ZNF253: variants seen among roughly 807,000 people sequenced by gnomAD.
ZNF253 encodes the protein DNA-binding protein.
A neutral mutation model predicts 11.9 loss-of-function variants in ZNF253; 8 were observed. The observed-to-expected ratio is 0.67, with a 90% CI of 0.40 to 1.22. ZNF253 has a LOEUF of 1.22. ZNF253 is among the 50% of genes most tolerant of loss of function. The probability of loss-of-function intolerance (pLI) is 0.01; values close to 1 mark genes in which losing one functional copy is unlikely to be tolerated. For missense variants in ZNF253, 485 were observed against 586.9 expected (o/e 0.83, Z 1.79); for synonymous variants, 194 against 194.9 (o/e 1.00, Z 0.04).
chr19:19,874,057 C>T (rs1205881702), intron 1 of ZNF253, among the ~76,000 whole-genome samples: 1 of 152,020 alleles, frequency 6.6e-6, no homozygotes, highest in Non-Finnish European at 1.5e-5. Context: ...TACAGGTGCC[C>T]ACCACCATGC....
intron 3 of ZNF253, among the ~76,000 whole-genome samples, chr19:19,885,724 T>C (rs879648927): frequency 6.6e-6 from 1 of 152,162 alleles, no homozygotes; most frequent in Non-Finnish European, 1.5e-5. Context: ...TTTGTTAGTT[T>C]ATTTTGTCTA....
At position 19,885,280 on chromosome 19, in the gene ZNF253, T is replaced by TTTC. The variant is rs1491190479; in HGVS notation, c.226+5137_226+5139dup. The stretch of plus-strand genomic sequence containing the variant: ...CTTTCTTTCTTTCTTTCTTTCTTTC[T>TTTC]TTCTTTCTTTCTCTTTCTTTTCTTT... On this transcript the variant is annotated intron_variant, in intron 3 of 3. Transcript: ENST00000589717. Among the ~76,000 whole-genome samples the TTTC allele has an allele frequency of 7.7e-5, 3 of 38,878 alleles. 1 individual carries two copies. In the African/African-American group the frequency reaches 9.7e-4, roughly 13 times the overall value. 25.5% of individuals were successfully genotyped at this position (38,878 alleles called of 152,430 possible). A position where few individuals can be genotyped will look rare whatever the true frequency, so the allele number is the denominator to read the frequency against.
intron 3 of ZNF253, 28 bp downstream of exon 3, chr19:19,880,174 A>T (rs756515136): frequency 8.6e-6 from 13 of 1,518,634 alleles, no homozygotes; most frequent in Middle Eastern, 1.7e-4. Context: ...CGAATACAAC[A>T]GATGACACAG....
At chr19:19,881,062 CT>C (rs1281805059) in intron 3 of ZNF253, among the ~76,000 whole-genome samples, 2 of 152,018 alleles carry the variant, frequency 1.3e-5, no homozygotes, top group Non-Finnish European at 2.9e-5. Flanking sequence ...GAAAAAAATA[CT>C]GCAATTTTGA....
intron 3 of ZNF253, among the ~76,000 whole-genome samples, chr19:19,885,966 CAG>C (rs2063204995): frequency 6.6e-6 from 1 of 152,106 alleles, no homozygotes; most frequent in African/African-American, 2.4e-5. Flanking sequence ...AGAAAACACA[CAG>C]TGTATAATTT....
chr19:19,880,218 C>G (rs2063171866), intron 3 of ZNF253, 72 bp downstream of exon 3: 1 of 1,077,102 alleles, frequency 9.3e-7, no homozygotes, highest in Non-Finnish European at 1.3e-6. Context: ...GAAAACCAGT[C>G]TTTAAAATGT....
Position 19,891,724 on chromosome 19 carries a change from A to G in ZNF253, c.477A>G (p.Ser159=), listed in dbSNP as rs765729105. 1.4e-5 allele frequency: 22 copies of G among 1,614,010 alleles called. No individual in the cohort carries two copies. The African/African-American group carries it at 1.6e-4, about 12-fold the overall frequency. Residue 159 remains serine, a synonymous_variant, in exon 4 of 4, where the codon TCA becomes TCG. Coordinates refer to ENST00000589717, the MANE Select transcript of ZNF253 (RefSeq NM_021047.3). ...AAGTCTTTCATAAGTTTTCAAATTC[A>G]AACACATATAAGACAAGACATACTG... is the stretch of plus-strand genomic sequence containing the variant. ...YGKVFHKFSN[S]NTYKTRHTGI...
At chr19:19,880,236 G>C in intron 3 of ZNF253, 90 bp downstream of exon 3, 1 of 940,214 alleles carries the variant, frequency 1.1e-6, no homozygotes, top group Non-Finnish European at 1.5e-6. Flanking sequence ...TGTGATTCTG[G>C]AAGCTGTGTT....
chr19:19,867,912 C>T (rs1056656315), intron 1 of ZNF253, among the ~76,000 whole-genome samples: 4 of 150,798 alleles, frequency 2.7e-5, no homozygotes, highest in Non-Finnish European at 4.4e-5. Context: ...GATGTGGTAT[C>T]TCATTGTGGT....
rs1169697489 is a variant in ZNF253, at chr19:19,892,822, T to C, written c.*75T>C. The C allele has an allele frequency of 7.3e-7, 1 of 1,378,176 alleles. No homozygotes were observed. The highest frequency in any genetic ancestry group is 9.9e-7 in the Non-Finnish European group (1 of 1,010,060). The allele number at this position is 1,378,176 out of a possible 1,614,324, so 85.4% of individuals were successfully genotyped here. A position where few individuals can be genotyped will look rare whatever the true frequency, so the allele number is the denominator to read the frequency against. On this transcript the variant is annotated 3_prime_UTR_variant, in exon 4 of 4. Transcript: ENST00000589717. ...TAACCAGCCCTCGACTCTTAGTAAA[T>C]TTGAGAGTTTATATGGAACACAAAC... is the stretch of plus-strand genomic sequence containing the variant.
chr19:19,881,579 G>A (rs1405165030), intron 3 of ZNF253, among the ~76,000 whole-genome samples: 2 of 150,518 alleles, frequency 1.3e-5, no homozygotes, highest in Non-Finnish European at 2.9e-5. Flanking sequence ...AACCTGGAAG[G>A]CAGAGGTTTC....
rs1327192248 is a variant in ZNF253 at position 19,892,491 on chromosome 19, A to G, written c.1244A>G (p.Lys415Arg). The G allele has an allele frequency of 6.2e-7, 1 of 1,613,924 alleles. No individual in the cohort carries two copies. Among genetic ancestry groups the G allele is most frequent in the Non-Finnish European group, 8.5e-7 (1 of 1,179,962 alleles). ...FTWPSILSKH[K>R]RTHTGEKPYK... ...TGGCCCTCAATCCTCTCCAAACATAAAAGAACTCATACTGGAGAGAAACCC... is the reference window on the plus strand; with the variant it reads ...TGGCCCTCAATCCTCTCCAAACATAGAAGAACTCATACTGGAGAGAAACCC... Residue 415 changes from lysine to arginine, a missense_variant, in exon 4 of 4, where the codon AAA becomes AGA. Physicochemically the swap from Lys to Arg is conservative, Grantham distance 26. Transcript: ENST00000589717.
At chr19:19,888,442 T>G (rs2063215548) in intron 3 of ZNF253, among the ~76,000 whole-genome samples, 1 of 151,952 alleles carries the variant, frequency 6.6e-6, no homozygotes, top group Non-Finnish European at 1.5e-5. Flanking sequence ...TTTTTTTTTA[T>G]TTTTGTATTG....
In ZNF253 at chr19:19,892,739, A is replaced by G. The variant is rs768478537; in HGVS notation, c.1492A>G (p.Ile498Val). Residue 498 changes from isoleucine (I) to valine (V), a missense_variant, in exon 4 of 4, where the codon ATA (isoleucine) becomes GTA (valine). By Grantham distance (29) the Ile-to-Val change is conservative. This residue lies in a region of ZNF253 where 232 missense variants were observed against 321.4 expected (regional missense o/e 0.72). Coordinates refer to ENST00000589717, the MANE Select transcript of ZNF253 (RefSeq NM_021047.3). ...AAATGTTCCTCCACTTTTAATTAGC[A>G]TAAGATAATTCATACTGGAGAGAAA... The part of the protein sequence containing the change: ...LLNVPPLLIS[I>V]R 1.9e-6 allele frequency: 3 copies of G among 1,587,900 alleles called. No individual in the cohort carries two copies. Among genetic ancestry groups the G allele is most frequent in the African/African-American group, 1.4e-5 (1 of 73,998 alleles).
intron 3 of ZNF253, among the ~76,000 whole-genome samples, chr19:19,885,035 A>G (rs1185683093): frequency 6.6e-6 from 1 of 152,146 alleles, no homozygotes; most frequent in African/African-American, 2.4e-5. Flanking sequence ...TCTTTTAACA[A>G]GTAATATGTA....
intron 2 of ZNF253, 97 bp downstream of exon 2, chr19:19,878,704 G>T: frequency 7.0e-7 from 1 of 1,422,696 alleles, no homozygotes; most frequent in South Asian, 1.5e-5. Context: ...TTTGCAAAGT[G>T]GTAGAATTAC....
chr19:19,866,032 G>A, intron 1 of ZNF253, 33 bp downstream of exon 1: 1 of 1,614,182 alleles, frequency 6.2e-7, no homozygotes, highest in Non-Finnish European at 8.5e-7. Flanking sequence ...CGAGAGAGGG[G>A]AGAGGCTGTT....
chr19:19,891,970 A>G lies in ZNF253; in HGVS notation c.723A>G (p.Ser241=). Residue 241 remains serine, a synonymous_variant, in exon 4 of 4, where the codon TCA becomes TCG. Coordinates refer to ENST00000589717, the MANE Select transcript of ZNF253 (RefSeq NM_021047.3). ...GTGGCAAAGCCTTTAAGCAGTCCTC[A>G]AACCTTACTACACATAAGAAAATTC... ...EECGKAFKQS[S]NLTTHKKIHT... is the part of the protein sequence containing the mutation. The G allele has an allele frequency of 6.2e-7, 1 of 1,613,960 alleles. No individual in the cohort carries two copies. The highest frequency in any genetic ancestry group is 8.5e-7 in the Non-Finnish European group (1 of 1,180,022).
chr19:19,871,957 C>T (rs115506409), intron 1 of ZNF253, among the ~76,000 whole-genome samples: 6,396 of 152,200 alleles, frequency 0.042, 307 homozygotes, highest in East Asian at 0.17. Context: ...TCTCTGGCTT[C>T]CAGTCAGCTC....
Sources: gnomAD v4.1 joint callset for allele counts (sites outside exome capture counted in the v4.1 genomes callset) on GRCh38, gnomAD v4.1.1 for gene constraint, gnomAD v4.1.1 regional missense constraint, MANE v1.5 for transcripts, NCBI Gene and HGNC (gene_info 2026-07-23, HGNC 2026-07-21) for gene names.